Variants in TUT4 observed in about 807,000 individuals in gnomAD.
The protein encoded by TUT4 is terminal uridylyltransferase 4.
Under a neutral mutation model 192.2 loss-of-function variants are expected in TUT4, and 36 were observed. The ratio of observed to expected loss-of-function variants is 0.19; its 90% CI spans 0.14 to 0.25. TUT4 has a LOEUF of 0.25. Ranked by LOEUF, TUT4 falls within the 10% of genes least tolerant of loss-of-function variation. The pLI is 1.00. For missense variants in TUT4, 1,493 were observed against 1,957.2 expected (o/e 0.76, Z 4.47); for synonymous variants, 618 against 666.0 (o/e 0.93, Z 1.11).
chr1:52,431,991 C>G (rs747206220), intron 27 of TUT4: 2 of 152,520 alleles, frequency 1.3e-5, no homozygotes, highest in Admixed American at 6.5e-5. Context: ...AGGACCCCCA[C>G]AATCCTGTAC....
intron 20 of TUT4, among the ~76,000 whole-genome samples, chr1:52,457,060 C>T (rs1300682726): frequency 6.6e-6 from 1 of 152,030 alleles, no homozygotes; most frequent in Non-Finnish European, 1.5e-5. Context: ...ACATACATCA[C>T]CCAACACAGA....
intron 28 of TUT4, among the ~76,000 whole-genome samples, chr1:52,428,499 G>A (rs996027579): frequency 7.9e-5 from 12 of 152,004 alleles, no homozygotes; most frequent in Admixed American, 2.0e-4. Context: ...GGTGGCAGGC[G>A]CCTCTAATCC....
chr1:52,481,081 A>G (rs1218654013), intron 11 of TUT4, among the ~76,000 whole-genome samples: 6 of 152,188 alleles, frequency 3.9e-5, no homozygotes, highest in Non-Finnish European at 8.8e-5. Context: ...CTTAGAGCAC[A>G]GGGGCTTTAT....
rs1213463681 is a variant in TUT4, at chr1:52,526,036, C to G, written c.245G>C (p.Gly82Ala). Residue 82 changes from glycine (G) to alanine (A), a missense_variant, in exon 2 of 30, where the codon GGT (glycine) becomes GCT (alanine). By Grantham distance (60) the Gly-to-Ala change is moderately conservative. Around this residue, in one of 7 missense-constraint regions of TUT4, gnomAD observed 260 missense variants for 247.8 expected, o/e 1.05. Coordinates refer to ENST00000257177, the MANE Select transcript of TUT4 (RefSeq NM_001009881.3). ...SCKVNAANLP[G>A]PKDLGLVLRD... ...AAGGACTAACCCCAAATCTTTAGGA[C>G]CTGGAAGGTTGGCAGCATTTACTTT... The G allele has an allele frequency of 6.2e-7, 1 of 1,612,692 alleles. No homozygotes were observed. Among genetic ancestry groups the G allele is most frequent in the Non-Finnish European group, 8.5e-7 (1 of 1,179,596 alleles).
At chr1:52,525,043 G>A (rs1211119235) in intron 2 of TUT4, among the ~76,000 whole-genome samples, 2 of 152,084 alleles carry the variant, frequency 1.3e-5, no homozygotes, top group Non-Finnish European at 2.9e-5. Context: ...ATTTAATCAT[G>A]TGCTCTCTCA....
intron 1 of TUT4, among the ~76,000 whole-genome samples, chr1:52,547,352 G>T (rs951924938): frequency 1.3e-5 from 2 of 151,862 alleles, no homozygotes; most frequent in African/African-American, 2.4e-5. Flanking sequence ...ATGAGGTAGT[G>T]AGATAGTGGG....
chr1:52,545,171 T>C (rs971620167), intron 1 of TUT4, among the ~76,000 whole-genome samples: 14 of 150,018 alleles, frequency 9.3e-5, no homozygotes, highest in African/African-American at 3.4e-4. Context: ...AGGTCAGGAG[T>C]TCAAGACCAG....
chr1:52,477,405 T>G (rs948760255), intron 12 of TUT4, among the ~76,000 whole-genome samples: 2 of 151,920 alleles, frequency 1.3e-5, no homozygotes, highest in African/African-American at 4.8e-5. Context: ...GACCCCCATC[T>G]CTACAAAAAA....
intron 13 of TUT4, 36 bp downstream of exon 13, chr1:52,474,796 C>T (rs1360311430): frequency 1.3e-6 from 2 of 1,515,288 alleles, no homozygotes; most frequent in Non-Finnish European, 8.8e-7. Context: ...ACAACAACCA[C>T]AAAATCTTAC....
chr1:52,523,060 C>T (rs1239545138), intron 2 of TUT4, among the ~76,000 whole-genome samples: 1 of 140,432 alleles, frequency 7.1e-6, no homozygotes, highest in Admixed American at 7.4e-5. Context: ...TGGCGCGATC[C>T]TGGCTCACTG....
At chr1:52,512,966 T>C (rs548120082) in intron 3 of TUT4, among the ~76,000 whole-genome samples, 23 of 151,812 alleles carry the variant, frequency 1.5e-4, no homozygotes, top group African/African-American at 4.8e-4. Context: ...AAATGTTACT[T>C]AAGAGGACAA....
At chr1:52,446,230 G>C (rs765178368) in intron 22 of TUT4, 35 bp downstream of exon 22, 13 of 1,569,686 alleles carry the variant, frequency 8.3e-6, no homozygotes, top group African/African-American at 1.4e-5. Context: ...ACCAAATTTT[G>C]GTTGCTCCTG....
chr1:52,459,230 G>A (rs981996635), intron 19 of TUT4, among the ~76,000 whole-genome samples: 6 of 151,644 alleles, frequency 4.0e-5, no homozygotes, highest in South Asian at 2.1e-4. Context: ...AGCTTGCAGT[G>A]AGCCGAGATA....
intron 19 of TUT4, among the ~76,000 whole-genome samples, chr1:52,458,807 C>T (rs1034859153): frequency 6.6e-6 from 1 of 152,140 alleles, no homozygotes; most frequent in Non-Finnish European, 1.5e-5. Context: ...ATTACAAAAG[C>T]ACATTTTCTT....
intron 26 of TUT4, among the ~76,000 whole-genome samples, chr1:52,435,911 GTCTCTC>G (rs143687198): frequency 1.4e-5 from 2 of 147,822 alleles, no homozygotes; most frequent in East Asian, 2.0e-4. Context: ...CTCTCTCTAT[GTCTCTC>G]TCTCTCTCTC....
At chr1:52,525,428 A>G (rs925641644) in intron 2 of TUT4, 135 bp downstream of exon 2, 1 of 1,143,540 alleles carries the variant, frequency 8.7e-7, no homozygotes, top group Non-Finnish European at 1.2e-6. Context: ...AGTATTATTA[A>G]TGTGGATGTT....
Position 52,471,414 on chromosome 1 carries a change from G to T in TUT4, c.2878+538C>A, listed in dbSNP as rs141461372. Among the ~76,000 whole-genome samples the T allele has an allele frequency of 7.2e-5, 11 of 152,290 alleles. No individual in the cohort carries two copies. The East Asian group carries it at 1.9e-3, about 27-fold the overall frequency. ...ATCCTGATTCCTCTAATCCACCCCA[G>T]ATAAAATTGTGTTTACACTGCGTTT... On this transcript the variant is annotated intron_variant, in intron 14 of 29. Transcript: ENST00000257177.
At chr1:52,539,617 G>A (rs1035369088) in intron 1 of TUT4, among the ~76,000 whole-genome samples, 3 of 152,004 alleles carry the variant, frequency 2.0e-5, no homozygotes, top group South Asian at 2.1e-4. Flanking sequence ...AGTGCAGGGC[G>A]CGGTGGCTCA....
chr1:52,426,332 T>G (rs1380616599), intron 28 of TUT4, among the ~76,000 whole-genome samples: 2 of 152,182 alleles, frequency 1.3e-5, no homozygotes, highest in Non-Finnish European at 2.9e-5. Flanking sequence ...AAAATGTAAG[T>G]CCTATTCTTT....
Sources: allele counts gnomAD v4.1 joint callset (sites outside exome capture counted in the v4.1 genomes callset), GRCh38; gene constraint gnomAD v4.1.1; regional missense constraint gnomAD v4.1.1; transcripts MANE v1.5; gene names NCBI Gene and HGNC (gene_info 2026-07-23, HGNC 2026-07-21).